LINGO2: variants seen among roughly 807,000 people sequenced by gnomAD.
The protein encoded by LINGO2 is leucine-rich repeat and immunoglobulin-like domain-containing nogo receptor-interacting protein 2.
A neutral mutation model predicts 30.6 loss-of-function variants in LINGO2; 14 were observed. The observed-to-expected ratio is 0.46, with a 90% confidence interval of 0.30 to 0.72. LINGO2 has a LOEUF of 0.72. Ranked by LOEUF, LINGO2 falls within the 30% of genes least tolerant of loss-of-function variation. The pLI, the probability that LINGO2 is intolerant of heterozygous loss-of-function variation, is 0.07. For synonymous variants in LINGO2, 317 were observed against 288.5 expected, an observed-to-expected ratio of 1.10 and a Z score of -1.00; for missense variants, 729 against 751.7, an observed-to-expected ratio of 0.97 and a Z score of 0.35.
chr9:28,385,148 C>T (rs1046751995), intron 2 of LINGO2, among the ~76,000 whole-genome samples: 15 of 152,268 alleles, frequency 9.9e-5, no homozygotes, highest in Middle Eastern at 6.8e-3. Flanking sequence ...GCATTGAAGA[C>T]TTCTAAGAAT....
At chr9:28,708,382 T>A in the LINGO2 span, among the ~76,000 whole-genome samples, 535 of 152,260 alleles carry the variant, frequency 3.5e-3, 7 homozygotes, top group African/African-American at 0.012. Flanking sequence ...TAGTTTTGCA[T>A]CATGAGGTTG....
At chr9:29,179,997 AC>A in the LINGO2 span, among the ~76,000 whole-genome samples, 1 of 152,252 alleles carries the variant, frequency 6.6e-6, no homozygotes, top group African/African-American at 2.4e-5. Context: ...ATTGAAAAAC[AC>A]ATTTATTTCA....
At chr9:28,618,529 A>T (rs1587968941) in intron 1 of LINGO2, among the ~76,000 whole-genome samples, 1 of 152,114 alleles carries the variant, frequency 6.6e-6, no homozygotes, top group Admixed American at 6.5e-5. Context: ...CCCTGCTTAT[A>T]ACTCTCTAGT....
At chr9:28,197,042 A>G (rs1026192248) in intron 4 of LINGO2, among the ~76,000 whole-genome samples, 10 of 151,980 alleles carry the variant, frequency 6.6e-5, no homozygotes, top group African/African-American at 2.4e-4. Flanking sequence ...TAACTAAAAG[A>G]GTGGAATTGG....
At chr9:28,637,456 T>A (rs565642258) in intron 1 of LINGO2, among the ~76,000 whole-genome samples, 1 of 152,334 alleles carries the variant, frequency 6.6e-6, no homozygotes, top group South Asian at 2.1e-4. Flanking sequence ...TCCATGAGCA[T>A]GGAATGTTCT....
intron 4 of LINGO2, among the ~76,000 whole-genome samples, chr9:28,252,603 G>A (rs1822244265): frequency 6.6e-6 from 1 of 151,852 alleles, no homozygotes; most frequent in Non-Finnish European, 1.5e-5. Flanking sequence ...ATAAAATTCA[G>A]TTAAATGAGA....
At chr9:28,535,847 C>G (rs1821417874) in intron 1 of LINGO2, among the ~76,000 whole-genome samples, 1 of 152,036 alleles carries the variant, frequency 6.6e-6, no homozygotes, top group African/African-American at 2.4e-5. Context: ...TTACTGATAT[C>G]ATAATAATCT....
the LINGO2 span, among the ~76,000 whole-genome samples, chr9:28,708,998 C>G: frequency 6.6e-6 from 1 of 152,046 alleles, no homozygotes; most frequent in Non-Finnish European, 1.5e-5. Context: ...AAGCAAAACA[C>G]ACATTTTAAC....
intron 4 of LINGO2, chr9:28,080,889 C>G (rs1825754387): frequency 6.6e-6 from 1 of 152,116 alleles, no homozygotes; most frequent in South Asian, 2.1e-4. Context: ...ATGAAGAGAA[C>G]AGAAAAGGCT....
At chr9:28,290,333 C>A (rs748758412) in intron 4 of LINGO2, among the ~76,000 whole-genome samples, 19 of 152,124 alleles carry the variant, frequency 1.2e-4, no homozygotes, top group Non-Finnish European at 1.9e-4. Flanking sequence ...AGTGCCCTAC[C>A]CATACCAACT....
At chr9:28,133,077 T>TC (rs11460122) in intron 4 of LINGO2, among the ~76,000 whole-genome samples, 46,345 of 152,094 alleles carry the variant, frequency 0.3, 7,098 homozygotes, top group African/African-American at 0.35. Flanking sequence ...AGCCTTTGCC[T>TC]ATTATATCAA....
chr9:28,288,099 G>C (rs73645632), intron 4 of LINGO2, among the ~76,000 whole-genome samples: 1 of 151,824 alleles, frequency 6.6e-6, no homozygotes, highest in African/African-American at 2.4e-5. Context: ...CCCTACTTCC[G>C]CCCCACCCTT....
In LINGO2 at chr9:28,441,023, G is replaced by A. The variant is rs1489609182; in HGVS notation, c.-279+34917C>T. 2.7e-4 allele frequency among the ~76,000 whole-genome samples: 41 copies of A among 152,190 alleles called. 1 individual carries two copies. Among genetic ancestry groups the A allele is most frequent in the Non-Finnish European group, 1.9e-4 (13 of 68,008 alleles). ...TTTTGAAGGGTGGGGCGTAATGAGA[G>A]ATATTTATATCAAGAGAAATCCACC... On this transcript the variant is annotated intron_variant, in intron 2 of 5. Transcript: ENST00000379992.
At chr9:28,279,367 G>T (rs893833097) in intron 4 of LINGO2, among the ~76,000 whole-genome samples, 16 of 152,172 alleles carry the variant, frequency 1.1e-4, no homozygotes, top group African/African-American at 3.9e-4. Context: ...GCATGATACA[G>T]AGAAATCTTT....
chr9:28,253,931 G>T (rs1488847473), intron 4 of LINGO2, among the ~76,000 whole-genome samples: 1 of 152,100 alleles, frequency 6.6e-6, no homozygotes, highest in African/African-American at 2.4e-5. Flanking sequence ...TCCTCTTCCT[G>T]GGTGGAACCT....
the LINGO2 span, among the ~76,000 whole-genome samples, chr9:29,199,589 A>C: frequency 6.6e-6 from 1 of 152,104 alleles, no homozygotes; most frequent in Admixed American, 6.6e-5. Flanking sequence ...GGAAAGGCTG[A>C]CCAACTCCCC....
the LINGO2 span, among the ~76,000 whole-genome samples, chr9:29,051,583 T>C: frequency 6.6e-6 from 1 of 152,192 alleles, no homozygotes; most frequent in South Asian, 2.1e-4. Flanking sequence ...AGACTTTTCA[T>C]AGGCTGGGAC....
the LINGO2 span, among the ~76,000 whole-genome samples, chr9:29,205,244 G>A: frequency 3.8e-3 from 577 of 152,206 alleles, 3 homozygotes; most frequent in African/African-American, 0.013. Context: ...GTTTCACCAT[G>A]TTGCCAGGAT....
chr9:28,785,858 T>C, the LINGO2 span, among the ~76,000 whole-genome samples: 1 of 151,830 alleles, frequency 6.6e-6, no homozygotes, highest in Non-Finnish European at 1.5e-5. Flanking sequence ...TGATGTTACT[T>C]CTGTAGACCT....
Sources: gnomAD v4.1 joint callset for allele counts (sites outside exome capture counted in the v4.1 genomes callset) on GRCh38, gnomAD v4.1.1 for gene constraint, MANE v1.5 for transcripts, NCBI Gene and HGNC (gene_info 2026-07-23, HGNC 2026-07-21) for gene names.